Variants in ELP4 observed in about 807,000 individuals in gnomAD.
ELP4 encodes elongator complex protein 4.
In ELP4, 51 loss-of-function variants were observed where a neutral mutation model predicts 48.9. The ratio of observed to expected loss-of-function variants is 1.04; its 90% confidence interval spans 0.83 to 1.32. ELP4 has a LOEUF of 1.32. ELP4 is among the 40% of genes most tolerant of loss of function. The probability of loss-of-function intolerance (pLI) is 0.00; values close to 1 mark genes in which losing one functional copy is unlikely to be tolerated. For missense variants in ELP4, 519 were observed against 514.6 expected, an observed-to-expected ratio of 1.01 and a Z score of -0.08; for synonymous variants, 210 against 189.2, an observed-to-expected ratio of 1.11 and a Z score of -0.90.
intron 3 of ELP4, among the ~76,000 whole-genome samples, chr11:31,556,897 A>C (rs2133936204): frequency 6.6e-6 from 1 of 151,976 alleles, no homozygotes; most frequent in African/African-American, 2.4e-5. Context: ...TGTTTACTAA[A>C]AGCTTATAGT....
At chr11:31,564,779 T>A (rs557326416) in intron 3 of ELP4, among the ~76,000 whole-genome samples, 18 of 152,216 alleles carry the variant, frequency 1.2e-4, no homozygotes, top group Non-Finnish European at 2.6e-4. Flanking sequence ...AGTCTATCAT[T>A]GGTGGACATT....
At chr11:31,613,930 A>G (rs981519193) in intron 5 of ELP4, among the ~76,000 whole-genome samples, 1 of 151,722 alleles carries the variant, frequency 6.6e-6, no homozygotes, top group African/African-American at 2.4e-5. Flanking sequence ...AGGCTGGTCT[A>G]GAACTCCTGA....
intron 9 of ELP4, among the ~76,000 whole-genome samples, chr11:31,756,384 A>G (rs1254614916): frequency 6.6e-6 from 1 of 152,124 alleles, no homozygotes; most frequent in Non-Finnish European, 1.5e-5. Context: ...TCTGGCACAA[A>G]CCATAATCAC....
intron 9 of ELP4, among the ~76,000 whole-genome samples, chr11:31,706,604 T>G (rs1471992516): frequency 6.8e-6 from 1 of 148,120 alleles, no homozygotes; most frequent in East Asian, 1.9e-4. Flanking sequence ...ATTTAATTAA[T>G]TTTATATATT....
chr11:31,667,364 A>G (rs1422123732), intron 9 of ELP4, among the ~76,000 whole-genome samples: 1 of 152,162 alleles, frequency 6.6e-6, no homozygotes, highest in Non-Finnish European at 1.5e-5. Context: ...ATTCTACACA[A>G]AGTTTTTCTA....
chr11:31,623,303 T>C (rs1449108780), intron 5 of ELP4, among the ~76,000 whole-genome samples: 1 of 143,110 alleles, frequency 7.0e-6, no homozygotes, highest in Non-Finnish European at 1.5e-5. Context: ...TAAAGGATTT[T>C]AGTAACAAAC....
intron 3 of ELP4, among the ~76,000 whole-genome samples, chr11:31,550,635 G>A (rs1238610679): frequency 1.3e-5 from 2 of 152,118 alleles, no homozygotes; most frequent in East Asian, 1.9e-4. Flanking sequence ...AGCCAAATCA[G>A]GACTGTAAGA....
chr11:31,577,194 A>G (rs1478984432), intron 3 of ELP4, among the ~76,000 whole-genome samples: 4 of 152,224 alleles, frequency 2.6e-5, no homozygotes, highest in African/African-American at 9.6e-5. Context: ...GAAGAAATGG[A>G]TAAATTCCTG....
chr11:31,771,374 A>T (rs1368563346), intron 9 of ELP4, among the ~76,000 whole-genome samples: 1 of 152,210 alleles, frequency 6.6e-6, no homozygotes, highest in Admixed American at 6.5e-5. Context: ...TCCATGCATG[A>T]CTTTGTAAGG....
chr11:31,685,804 G>C (rs769973372), intron 9 of ELP4, among the ~76,000 whole-genome samples: 3 of 151,752 alleles, frequency 2.0e-5, no homozygotes, highest in Non-Finnish European at 4.4e-5. Flanking sequence ...GGTGGCACAC[G>C]CCTGTAGTCC....
At chr11:31,630,902 G>C (rs1028787375) in intron 6 of ELP4, among the ~76,000 whole-genome samples, 1 of 151,776 alleles carries the variant, frequency 6.6e-6, no homozygotes, top group Non-Finnish European at 1.5e-5. Context: ...CTATAGTAAG[G>C]CCACTGCACT....
intron 9 of ELP4, among the ~76,000 whole-genome samples, chr11:31,668,867 G>A (rs1945743009): frequency 6.6e-6 from 1 of 151,924 alleles, no homozygotes; most frequent in Non-Finnish European, 1.5e-5. Context: ...AACCATAGCT[G>A]TTTATTAACT....
At chr11:31,522,956 C>T (rs1956238534) in intron 2 of ELP4, among the ~76,000 whole-genome samples, 2 of 151,692 alleles carry the variant, frequency 1.3e-5, no homozygotes, top group Non-Finnish European at 2.9e-5. Context: ...AACTCCTGGG[C>T]TTAAGTAGTC....
intron 3 of ELP4, among the ~76,000 whole-genome samples, chr11:31,574,656 G>A (rs757791011): frequency 3.9e-5 from 6 of 152,180 alleles, no homozygotes; most frequent in Non-Finnish European, 7.3e-5. Flanking sequence ...CTCCACTGGT[G>A]ATACTCAGGC....
In ELP4 at chr11:31,670,270, C is replaced by T. The variant is rs1348749012; in HGVS notation, c.1143+20049C>T. Among the ~76,000 whole-genome samples, 3 of 152,088 alleles carry T rather than the reference C, an allele frequency of 2.0e-5. No homozygotes were observed. The East Asian group carries it at 5.8e-4, about 29-fold the overall frequency. ...ACCAACTGAGCATTTAAAATGTACC[C>T]TTCAAATTGAGGGGAGGTGCCAAGT... is the stretch of plus-strand genomic sequence containing the variant. On this transcript the variant is annotated intron_variant, in intron 9 of 9. Coordinates refer to ENST00000640961, the MANE Select transcript of ELP4 (RefSeq NM_019040.5).
chr11:31,569,390 A>G (rs1161138987), intron 3 of ELP4, among the ~76,000 whole-genome samples: 1 of 152,226 alleles, frequency 6.6e-6, no homozygotes, highest in Admixed American at 6.5e-5. Flanking sequence ...AGAAACTTAA[A>G]TCAACAAGTA....
intron 3 of ELP4, among the ~76,000 whole-genome samples, chr11:31,587,927 T>A (rs1192288230): frequency 2.6e-5 from 4 of 152,152 alleles, no homozygotes; most frequent in African/African-American, 9.6e-5. Context: ...ATATTTTTTG[T>A]AATAAAAGCA....
chr11:31,682,874 C>T (rs1946082777), intron 9 of ELP4, among the ~76,000 whole-genome samples: 1 of 151,792 alleles, frequency 6.6e-6, no homozygotes, highest in Non-Finnish European at 1.5e-5. Flanking sequence ...TATTTATGTA[C>T]TCATCACTTT....
At chr11:31,633,589 A>G (rs2134048442) in intron 7 of ELP4, 1 of 152,128 alleles carries the variant, frequency 6.6e-6, no homozygotes, top group South Asian at 2.1e-4. Flanking sequence ...GACATATCAT[A>G]AGGAAACTCT....
Sources: gnomAD v4.1 joint callset for allele counts (sites outside exome capture counted in the v4.1 genomes callset) on GRCh38, gnomAD v4.1.1 for gene constraint, MANE v1.5 for transcripts, NCBI Gene and HGNC (gene_info 2026-07-23, HGNC 2026-07-21) for gene names.